TENM2: variants seen among roughly 807,000 people sequenced by gnomAD.
TENM2 encodes the protein teneurin-2.
TENM2 carries 52 observed loss-of-function variants against 245.2 expected under a neutral mutation model. The ratio of observed to expected loss-of-function variants is 0.21; its 90% confidence interval spans 0.17 to 0.27. The LOEUF is 0.27. TENM2 is among the 10% of genes least tolerant of loss of function. The probability of loss-of-function intolerance (pLI) is 1.00; values close to 1 mark genes in which losing one functional copy is unlikely to be tolerated. For missense variants in TENM2, 3,046 were observed against 3,666.8 expected, an observed-to-expected ratio of 0.83 and a Z score of 4.37; for synonymous variants, 1,363 against 1,438.9, an observed-to-expected ratio of 0.95 and a Z score of 1.19.
intron 2 of TENM2, among the ~76,000 whole-genome samples, chr5:167,731,763 G>A (rs1307073291): frequency 7.1e-6 from 1 of 140,920 alleles, no homozygotes; most frequent in East Asian, 2.1e-4. Context: ...CCAGACTACT[G>A]CATGTAGTTT....
chr5:167,733,397 T>G (rs1277422248), intron 2 of TENM2, among the ~76,000 whole-genome samples: 1 of 152,194 alleles, frequency 6.6e-6, no homozygotes, highest in East Asian at 1.9e-4. Context: ...CTATGACTAA[T>G]TTCAAGCCAC....
chr5:167,333,403 TC>T (rs1489056200), intron 1 of TENM2, among the ~76,000 whole-genome samples: 1 of 152,234 alleles, frequency 6.6e-6, no homozygotes, highest in Non-Finnish European at 1.5e-5. Flanking sequence ...CAGATAAAGT[TC>T]TTAAAGCAAG....
intron 3 of TENM2, chr5:167,934,914 C>T (rs138123560): frequency 2.0e-5 from 20 of 985,408 alleles, no homozygotes; most frequent in Admixed American, 6.1e-5. Context: ...GCCCTTGAGT[C>T]GTCCAGGTAG....
intron 2 of TENM2, 49 bp downstream of exon 4, chr5:167,375,522 G>C (rs990337304): frequency 5.3e-6 from 8 of 1,501,692 alleles, no homozygotes; most frequent in Admixed American, 2.3e-5. Context: ...ACTGCACCAC[G>C]TGGGGCTTTG....
chr5:167,366,061 CAGTA>C (rs1191425300), intron 1 of TENM2, among the ~76,000 whole-genome samples: 16 of 151,056 alleles, frequency 1.1e-4, no homozygotes, highest in African/African-American at 3.9e-4. Context: ...CATACACAGA[CAGTA>C]GGTAGAGTCA....
intron 2 of TENM2, among the ~76,000 whole-genome samples, chr5:167,836,137 AC>A (rs1259337509): frequency 1.3e-5 from 2 of 152,198 alleles, no homozygotes; most frequent in African/African-American, 4.8e-5. Context: ...AGTGACAATT[AC>A]TTTTTTATGA....
intron 23 of TENM2, among the ~76,000 whole-genome samples, chr5:168,223,639 G>C (rs952737812): frequency 6.6e-6 from 1 of 151,868 alleles, no homozygotes; most frequent in Non-Finnish European, 1.5e-5. Context: ...GCTAATTTTT[G>C]TATTTTTAGT....
intron 2 of TENM2, among the ~76,000 whole-genome samples, chr5:167,735,498 G>T (rs992492583): frequency 1.3e-5 from 2 of 152,212 alleles, no homozygotes; most frequent in African/African-American, 4.8e-5. Flanking sequence ...AAAAGAGGGG[G>T]CTGGACTTGT....
At chr5:167,350,601 T>C (rs896778046) in intron 1 of TENM2, among the ~76,000 whole-genome samples, 1 of 129,628 alleles carries the variant, frequency 7.7e-6, no homozygotes, top group African/African-American at 2.6e-5. Context: ...TATATATGGA[T>C]ATATATATAT....
the TENM2 span, among the ~76,000 whole-genome samples, chr5:166,979,226 A>AGCAGCAGCAGCC: frequency 6.6e-6 from 1 of 150,672 alleles, no homozygotes; most frequent in East Asian, 2.0e-4. Context: ...CAGCAGCAGC[A>AGCAGCAGCAGCC]GCAGCAGCAG....
chr5:167,285,339 C>T (rs943125506), intron 1 of TENM2, among the ~76,000 whole-genome samples: 1 of 152,148 alleles, frequency 6.6e-6, no homozygotes, highest in African/African-American at 2.4e-5. Context: ...CACTTAGATT[C>T]TCCTTGAACA....
chr5:167,815,217 A>C (rs1165668384), intron 2 of TENM2, among the ~76,000 whole-genome samples: 1 of 152,148 alleles, frequency 6.6e-6, no homozygotes, highest in Non-Finnish European at 1.5e-5. Context: ...CAGGCCATTC[A>C]GGAGATGTGC....
At chr5:167,541,357 A>G (rs2127604720) in intron 2 of TENM2, among the ~76,000 whole-genome samples, 1 of 152,294 alleles carries the variant, frequency 6.6e-6, no homozygotes, top group East Asian at 1.9e-4. Flanking sequence ...CTGCAGAGTT[A>G]ATGATGGGTA....
the TENM2 span, among the ~76,000 whole-genome samples, chr5:167,106,600 A>G: frequency 1.3e-5 from 2 of 152,228 alleles, no homozygotes; most frequent in Non-Finnish European, 2.9e-5. Context: ...GGTGACTGAC[A>G]TGACTCAACT....
At chr5:168,018,383 T>A (rs1223015057) in intron 5 of TENM2, among the ~76,000 whole-genome samples, 2 of 152,102 alleles carry the variant, frequency 1.3e-5, no homozygotes, top group Non-Finnish European at 2.9e-5. Flanking sequence ...GAGCTCTTTT[T>A]TTTTTTTCCT....
At chr5:167,182,992 A>C in the TENM2 span, among the ~76,000 whole-genome samples, 3 of 152,206 alleles carry the variant, frequency 2.0e-5, no homozygotes, top group Non-Finnish European at 4.4e-5. Flanking sequence ...TCTTAAAAAA[A>C]GATTATTTTC....
chr5:168,007,369 T>C (rs1784903446), intron 5 of TENM2, among the ~76,000 whole-genome samples: 1 of 152,214 alleles, frequency 6.6e-6, no homozygotes, highest in Non-Finnish European at 1.5e-5. Context: ...CCTCAGGTTA[T>C]CTGCCCACCT....
the TENM2 span, among the ~76,000 whole-genome samples, chr5:167,238,920 G>C: frequency 1.3e-5 from 2 of 152,262 alleles, no homozygotes; most frequent in African/African-American, 4.8e-5. Context: ...TACTGCTTTA[G>C]CAAAGCCTTT....
intron 2 of TENM2, among the ~76,000 whole-genome samples, chr5:167,790,355 G>A (rs1394633273): frequency 1.3e-5 from 2 of 152,152 alleles, no homozygotes; most frequent in African/African-American, 4.8e-5. Flanking sequence ...GCTAAAAAAA[G>A]GAACATGCCC....
Sources: gnomAD v4.1 joint callset for allele counts (sites outside exome capture counted in the v4.1 genomes callset) on GRCh38, gnomAD v4.1.1 for gene constraint, MANE v1.5 for transcripts, NCBI Gene and HGNC (gene_info 2026-07-23, HGNC 2026-07-21) for gene names.